The following AFG2B variants were observed in gnomAD, a reference collection of about 807,000 sequenced individuals.
AFG2B encodes the protein AAA ATPase AFG2B.
chr15:45,404,300 A>C, the AFG2B span, among the ~76,000 whole-genome samples: 2 of 152,196 alleles, frequency 1.3e-5, no homozygotes, highest in Non-Finnish European at 2.9e-5. Flanking sequence ...CTAGCTATCT[A>C]TACCTGGCTT....
chr15:45,409,848 CAG>C, the AFG2B span, among the ~76,000 whole-genome samples: 2 of 152,132 alleles, frequency 1.3e-5, no homozygotes, highest in African/African-American at 2.4e-5. Flanking sequence ...GCCTGGGTAA[CAG>C]AGTGAGACCC....
chr15:45,409,259 C>T, the AFG2B span, among the ~76,000 whole-genome samples: 1 of 151,918 alleles, frequency 6.6e-6, no homozygotes, highest in East Asian at 1.9e-4. Context: ...GCCTATAAAT[C>T]CCAGCTACTC....
chr15:45,419,388 G>A, the AFG2B span, among the ~76,000 whole-genome samples: 1 of 151,940 alleles, frequency 6.6e-6, no homozygotes, highest in Non-Finnish European at 1.5e-5. Flanking sequence ...CTTGAGCCTG[G>A]GAAGCGAAGG....
At chr15:45,411,341 T>C in the AFG2B span, among the ~76,000 whole-genome samples, 48,398 of 151,964 alleles carry the variant, frequency 0.32, 8,825 homozygotes, top group East Asian at 0.83. Flanking sequence ...TTTTGACACA[T>C]GTTTGCTCTG....
the AFG2B span, chr15:45,403,034 T>TGGGAGGTCTTTCGG: frequency 8.7e-5 from 137 of 1,572,876 alleles, no homozygotes; most frequent in Non-Finnish European, 1.7e-5. Context: ...GAGGTGCCCC[T>TGGGAGGTCTTTCGG]GGGAGGTCTT....
chr15:45,403,807 A>G, the AFG2B span, among the ~76,000 whole-genome samples: 1 of 152,178 alleles, frequency 6.6e-6, no homozygotes, highest in Non-Finnish European at 1.5e-5. Context: ...TTACAGATTA[A>G]TTTTGTTGTG....
the AFG2B span, among the ~76,000 whole-genome samples, chr15:45,418,374 T>G: frequency 1.1e-4 from 16 of 150,618 alleles, no homozygotes; most frequent in African/African-American, 3.4e-4. Flanking sequence ...GATTCATAAG[T>G]TTTTTATGAT....
the AFG2B span, chr15:45,414,618 C>A: frequency 6.2e-7 from 1 of 1,614,118 alleles, no homozygotes; most frequent in African/African-American, 1.3e-5. Context: ...TTAGAATGGG[C>A]CTGACACAAC....
chr15:45,405,111 A>G, the AFG2B span, among the ~76,000 whole-genome samples: 1 of 152,122 alleles, frequency 6.6e-6, no homozygotes, highest in Non-Finnish European at 1.5e-5. Context: ...TCACCCTACT[A>G]CACTATCAAA....
the AFG2B span, chr15:45,405,499 T>C: frequency 2.7e-5 from 43 of 1,612,832 alleles, no homozygotes; most frequent in African/African-American, 5.2e-4. Flanking sequence ...TCCTTCATAG[T>C]GAGAAGGTAA....
chr15:45,408,628 T>TC, the AFG2B span, among the ~76,000 whole-genome samples: 3 of 152,214 alleles, frequency 2.0e-5, no homozygotes, highest in Non-Finnish European at 4.4e-5. Flanking sequence ...ATCAACTAGT[T>TC]CAGGCAGTGC....
the AFG2B span, chr15:45,417,233 G>T: frequency 6.3e-7 from 1 of 1,597,042 alleles, no homozygotes; most frequent in South Asian, 1.1e-5. Context: ...ATTAACAACT[G>T]ATTGACATTA....
the AFG2B span, chr15:45,414,799 A>G: frequency 6.3e-7 from 1 of 1,593,390 alleles, no homozygotes; most frequent in Non-Finnish European, 8.6e-7. Flanking sequence ...ATTTCCCCAT[A>G]TGTTTAAATT....
the AFG2B span, among the ~76,000 whole-genome samples, chr15:45,416,507 A>G: frequency 3.9e-5 from 6 of 152,110 alleles, no homozygotes; most frequent in Non-Finnish European, 5.9e-5. Context: ...AAAAATTGTC[A>G]TATGGAATTG....
At chr15:45,415,134 GTTTC>G in the AFG2B span, among the ~76,000 whole-genome samples, 2 of 151,946 alleles carry the variant, frequency 1.3e-5, no homozygotes, top group Non-Finnish European at 1.5e-5. Context: ...ATACTCCATT[GTTTC>G]TTGTTTTATT....
the AFG2B span, among the ~76,000 whole-genome samples, chr15:45,411,169 G>A: frequency 2.0e-5 from 3 of 151,794 alleles, no homozygotes; most frequent in South Asian, 4.2e-4. Context: ...ACCACTGCAC[G>A]ACAGCCTGGG....
At chr15:45,414,816 T>C in the AFG2B span, 1 of 1,553,710 alleles carries the variant, frequency 6.4e-7, no homozygotes, top group Non-Finnish European at 8.9e-7. Context: ...AATTTACTTT[T>C]GAATTTTTAT....
At chr15:45,402,490 G>A in the AFG2B span, 1 of 1,609,750 alleles carries the variant, frequency 6.2e-7, no homozygotes, top group South Asian at 1.1e-5. Flanking sequence ...ACCCTTAGAC[G>A]CTAGAGACCG....
At chr15:45,420,940 C>G in the AFG2B span, 1 of 1,192,826 alleles carries the variant, frequency 8.4e-7, no homozygotes, top group South Asian at 1.4e-5. Context: ...TGCAGTGAGT[C>G]CAGATCGTGC....
Sources: gnomAD v4.1 joint callset for allele counts (sites outside exome capture counted in the v4.1 genomes callset) on GRCh38, gnomAD v4.1.1 for gene constraint, MANE v1.5 for transcripts, NCBI Gene and HGNC (gene_info 2026-07-23, HGNC 2026-07-21) for gene names.